The following MSRB2 variants were observed in gnomAD, a reference collection of about 807,000 sequenced individuals.
MSRB2 encodes methionine-R-sulfoxide reductase B2, mitochondrial.
Under a neutral mutation model 19.0 loss-of-function variants are expected in MSRB2, and 17 were observed. That is an observed-to-expected ratio of 0.89 (90% CI 0.61 to 1.34). The LOEUF is 1.34. MSRB2 is among the 40% of genes most tolerant of loss of function. MSRB2 has a pLI of 0.00. For missense variants in MSRB2, 208 were observed against 237.6 expected, an observed-to-expected ratio of 0.88 and a Z score of 0.82; for synonymous variants, 107 against 99.7, an observed-to-expected ratio of 1.07 and a Z score of -0.44.
At chr10:23,103,025 G>T (rs1278019328) in intron 1 of MSRB2, among the ~76,000 whole-genome samples, 1 of 152,122 alleles carries the variant, frequency 6.6e-6, no homozygotes, top group Non-Finnish European at 1.5e-5. Context: ...TCCTAGGGGA[G>T]CCCTTGTGTA....
chr10:23,108,119 G>A lies in MSRB2; in HGVS notation c.220-2123G>A, dbSNP rs374983812. ...ATTACAGGTGCCTGCCACTACACCCGGCTAATATTTTGATTTTTAGTAGAG... is the reference window on the plus strand; with the variant it reads ...ATTACAGGTGCCTGCCACTACACCCAGCTAATATTTTGATTTTTAGTAGAG... On this transcript the variant is annotated intron_variant, in intron 2 of 4. Coordinates refer to ENST00000376510, the MANE Select transcript of MSRB2 (RefSeq NM_012228.4). Among the ~76,000 whole-genome samples, 9 of 152,046 alleles carry A rather than the reference G, an allele frequency of 5.9e-5. No homozygotes were observed. In the South Asian group the frequency reaches 1.0e-3, roughly 18 times the overall value.
At chr10:23,097,299 GTGTC>G (rs1303166140) in intron 1 of MSRB2, among the ~76,000 whole-genome samples, 1 of 152,224 alleles carries the variant, frequency 6.6e-6, no homozygotes, top group African/African-American at 2.4e-5. Context: ...TCCTGGCTCT[GTGTC>G]TGAGCTCAGG....
At chr10:23,114,067 GGGCTGAACGT>G (rs1564430751) in intron 3 of MSRB2, among the ~76,000 whole-genome samples, 1 of 152,070 alleles carries the variant, frequency 6.6e-6, no homozygotes, top group African/African-American at 2.4e-5. Context: ...CTGTGGTTAC[GGGCTGAACGT>G]GGTGACTCAT....
At position 23,104,166 on chromosome 10, in the gene MSRB2, G is replaced by T. The variant is rs35643134; in HGVS notation, c.141G>T (p.Leu47=). The change falls in exon 2 of 5, where the codon CTG becomes CTT. Residue 47 remains leucine (L), a synonymous_variant. Transcript: ENST00000376510. The part of the protein sequence containing the change: ...GEAGSLATCE[L]PLAKSEWQKK... ...CAGGGTCTCTTGCAACGTGTGAGCT[G>T]CCTCTTGCCAAGAGTGAGTGGCAAA... The T allele has an allele frequency of 9.3e-6, 15 of 1,613,550 alleles. No individual in the cohort carries two copies. The African/African-American group carries it at 1.9e-4, about 20-fold the overall frequency.
At chr10:23,118,606 G>C (rs573547935) in intron 3 of MSRB2, among the ~76,000 whole-genome samples, 5 of 152,030 alleles carry the variant, frequency 3.3e-5, no homozygotes, top group Non-Finnish European at 5.9e-5. Flanking sequence ...GTACCCAGGC[G>C]TATTAATTAA....
intron 1 of MSRB2, among the ~76,000 whole-genome samples, chr10:23,100,088 C>T (rs1382991399): frequency 6.6e-6 from 1 of 152,182 alleles, no homozygotes; most frequent in Non-Finnish European, 1.5e-5. Context: ...TAAATTCCAA[C>T]CTTTGTACCT....
intron 2 of MSRB2, among the ~76,000 whole-genome samples, chr10:23,109,501 T>C (rs1857278): frequency 0.92 from 139,384 of 151,074 alleles, 64,937 homozygotes; most frequent in Non-Finnish European, 0.96. Flanking sequence ...TGAGATCGTG[T>C]CATTGCACTC....
chr10:23,100,115 C>G (rs537065777), intron 1 of MSRB2, among the ~76,000 whole-genome samples: 2 of 152,268 alleles, frequency 1.3e-5, no homozygotes, highest in East Asian at 3.9e-4. Flanking sequence ...GGTCCTCTTA[C>G]CTATCTACAG....
rs374272543 is a variant in MSRB2 at position 23,101,902 on chromosome 10, G to A, written c.119-2242G>A. 3.7e-4 allele frequency among the ~76,000 whole-genome samples: 57 copies of A among 152,212 alleles called. 1 individual carries two copies. The highest frequency in any genetic ancestry group is 1.2e-3 in the African/African-American group (48 of 41,520). On this transcript the variant is annotated intron_variant, in intron 1 of 4. Coordinates refer to ENST00000376510, the MANE Select transcript of MSRB2 (RefSeq NM_012228.4). ...ACAGAGTTCTCAAGACCCCTCATCC[G>A]GATCCCCCTGGTAATCTTCTGACAT...
intron 2 of MSRB2, among the ~76,000 whole-genome samples, chr10:23,105,322 TCTGTCAC>T (rs1839976692): frequency 6.6e-6 from 1 of 152,108 alleles, no homozygotes; most frequent in African/African-American, 2.4e-5. Context: ...ATTTAGGGTG[TCTGTCAC>T]CCGAATACAA....
At position 23,104,360 on chromosome 10, in the gene MSRB2, C is replaced by A. The variant is rs974257499; in HGVS notation, c.219+116C>A. 5 of 697,614 alleles carry A rather than the reference C, an allele frequency of 7.2e-6. No individual in the cohort carries two copies. In the African/African-American group the frequency reaches 7.4e-5, roughly 10 times the overall value. The allele number at this position is 697,614 out of a possible 1,614,324, so 43.2% of individuals were successfully genotyped here. On this transcript the variant is annotated intron_variant, in intron 2 of 4. Coordinates refer to ENST00000376510, the MANE Select transcript of MSRB2 (RefSeq NM_012228.4). ...AGCAACACTCCACAGGCCTGGTCTT[C>A]CTCTTCCATTGTGCCCTTCTCGGGG...
chr10:23,102,557 T>C (rs1839936730), intron 1 of MSRB2, among the ~76,000 whole-genome samples: 1 of 152,222 alleles, frequency 6.6e-6, no homozygotes, highest in African/African-American at 2.4e-5. Context: ...TTACTGGTGA[T>C]GTTGTGTCCT....
chr10:23,097,941 T>C (rs990411348), intron 1 of MSRB2, among the ~76,000 whole-genome samples: 1 of 152,130 alleles, frequency 6.6e-6, no homozygotes, highest in African/African-American at 2.4e-5. Context: ...AATGACAGTA[T>C]TTTTTTCCAG....
intron 4 of MSRB2, among the ~76,000 whole-genome samples, chr10:23,119,784 G>A (rs557155077): frequency 6.6e-6 from 1 of 152,114 alleles, no homozygotes; most frequent in East Asian, 1.9e-4. Flanking sequence ...TAGTAGAGAT[G>A]AGGTTTCGCC....
At chr10:23,113,064 C>T (rs1478584755) in intron 3 of MSRB2, among the ~76,000 whole-genome samples, 1 of 152,196 alleles carries the variant, frequency 6.6e-6, no homozygotes, top group Non-Finnish European at 1.5e-5. Flanking sequence ...TTTTGCCTCT[C>T]ATTTTCCTTC....
At chr10:23,101,550 G>T (rs2131622605) in intron 1 of MSRB2, among the ~76,000 whole-genome samples, 1 of 152,308 alleles carries the variant, frequency 6.6e-6, no homozygotes, top group Non-Finnish European at 1.5e-5. Context: ...GGATTAAATG[G>T]TATTCTACTT....
chr10:23,095,743 G>A lies in MSRB2; in HGVS notation c.118+17G>A, dbSNP rs776012778. The A allele has an allele frequency of 8.5e-5, 105 of 1,232,960 alleles. No homozygotes were observed. Among genetic ancestry groups the A allele is most frequent in the Admixed American group, 4.2e-4 (10 of 23,776 alleles). The allele number at this position is 1,232,960 out of a possible 1,614,324, so 76.4% of individuals were successfully genotyped here. A position where few individuals can be genotyped will look rare whatever the true frequency, so the allele number is the denominator to read the frequency against. On this transcript the variant is annotated intron_variant, in intron 1 of 4. Transcript: ENST00000376510. ...GGGAGGCAGGTAGGACGCGGGTCCC[G>A]CAGGCCCCGCCGCCGCCTACGGCTT...
chr10:23,112,519 G>T (rs979809628), intron 3 of MSRB2, among the ~76,000 whole-genome samples: 1 of 152,210 alleles, frequency 6.6e-6, no homozygotes, highest in African/African-American at 2.4e-5. Flanking sequence ...ACATGGAAAA[G>T]CATAGAGCAA....
intron 2 of MSRB2, among the ~76,000 whole-genome samples, chr10:23,105,212 CTGTGTGTGTGTGTGTGTG>C (rs36039793): frequency 6.8e-6 from 1 of 147,074 alleles, no homozygotes; most frequent in South Asian, 2.2e-4. Flanking sequence ...CTCTGTGTGT[CTGTGTGTGTGTGTGTGTG>C]TGTGTGTGTG....
Sources: gnomAD v4.1 joint callset for allele counts (sites outside exome capture counted in the v4.1 genomes callset) on GRCh38, gnomAD v4.1.1 for gene constraint, MANE v1.5 for transcripts, NCBI Gene and HGNC (gene_info 2026-07-23, HGNC 2026-07-21) for gene names.